ERC2: variants seen among roughly 807,000 people sequenced by gnomAD.
The protein encoded by ERC2 is ELKS/RAB6-interacting/CAST family member 2.
In ERC2, 42 loss-of-function variants were observed where a neutral mutation model predicts 114.8. That is an observed-to-expected ratio of 0.37 (90% CI 0.29 to 0.47). The LOEUF (loss-of-function observed/expected upper bound fraction) is 0.47. ERC2 is among the 20% of genes least tolerant of loss of function. ERC2 has a pLI of 0.99. For missense variants in ERC2, 939 were observed against 1,150.7 expected (o/e 0.82, Z 2.66); for synonymous variants, 454 against 425.5 (o/e 1.07, Z -0.82).
intron 17 of ERC2, among the ~76,000 whole-genome samples, chr3:55,629,903 G>A (rs1216127088): frequency 6.6e-6 from 1 of 152,216 alleles, no homozygotes; most frequent in African/African-American, 2.4e-5. Context: ...CATAGAGCGG[G>A]TGGGCTCCAA....
At chr3:56,180,401 A>G (rs192858803) in intron 3 of ERC2, among the ~76,000 whole-genome samples, 105 of 152,350 alleles carry the variant, frequency 6.9e-4, no homozygotes, top group African/African-American at 2.5e-3. Context: ...AATAACAAAA[A>G]GGTAGAAGCA....
chr3:55,915,992 T>C (rs1190892342), intron 13 of ERC2, among the ~76,000 whole-genome samples: 1 of 152,168 alleles, frequency 6.6e-6, no homozygotes, highest in Non-Finnish European at 1.5e-5. Context: ...TGCATATTCA[T>C]AGTATTTGTA....
At chr3:56,459,170 T>C (rs957589374) in intron 1 of ERC2, among the ~76,000 whole-genome samples, 1 of 152,158 alleles carries the variant, frequency 6.6e-6, no homozygotes, top group African/African-American at 2.4e-5. Flanking sequence ...TATCTTATTA[T>C]AGAGAAATAT....
chr3:56,379,494 C>A (rs1202601718), intron 2 of ERC2, among the ~76,000 whole-genome samples: 3 of 152,182 alleles, frequency 2.0e-5, no homozygotes, highest in African/African-American at 4.8e-5. Flanking sequence ...GAAGGTACAA[C>A]TGTAATCCCC....
chr3:55,839,110 G>C (rs2061020853), intron 14 of ERC2, among the ~76,000 whole-genome samples: 1 of 151,350 alleles, frequency 6.6e-6, no homozygotes, highest in Non-Finnish European at 1.5e-5. Flanking sequence ...AACTTATAAA[G>C]AAACAAAGAT....
intron 17 of ERC2, among the ~76,000 whole-genome samples, chr3:55,525,201 G>A (rs1244946631): frequency 6.6e-6 from 1 of 152,238 alleles, no homozygotes; most frequent in Non-Finnish European, 1.5e-5. Context: ...AAATTAGGAA[G>A]GTGGCTGGGA....
intron 7 of ERC2, among the ~76,000 whole-genome samples, chr3:56,044,401 G>C (rs1334733320): frequency 2.0e-5 from 3 of 151,780 alleles, no homozygotes; most frequent in Admixed American, 6.6e-5. Context: ...ATTTGGTTAT[G>C]ATCTTTTACT....
intron 6 of ERC2, among the ~76,000 whole-genome samples, chr3:56,135,285 A>G (rs1560232433): frequency 6.6e-6 from 1 of 152,104 alleles, no homozygotes; most frequent in Non-Finnish European, 1.5e-5. Flanking sequence ...AGATAGAACA[A>G]AAGAGATGGT....
chr3:55,733,413 CTCTT>C (rs1187763116), intron 15 of ERC2, among the ~76,000 whole-genome samples: 3 of 151,498 alleles, frequency 2.0e-5, no homozygotes, highest in Non-Finnish European at 4.4e-5. Flanking sequence ...CTCTCTGTCT[CTCTT>C]TCTCTCTCTC....
chr3:55,765,298 C>G (rs1377413465), intron 14 of ERC2, among the ~76,000 whole-genome samples: 1 of 152,122 alleles, frequency 6.6e-6, no homozygotes, highest in African/African-American at 2.4e-5. Context: ...ACTTTTTTCT[C>G]TCCAAGACCC....
chr3:56,109,595 A>G (rs1458403922), intron 6 of ERC2, among the ~76,000 whole-genome samples: 1 of 152,198 alleles, frequency 6.6e-6, no homozygotes, highest in Non-Finnish European at 1.5e-5. Context: ...ACATAACAGA[A>G]TATGATGCAG....
At chr3:56,129,438 TA>T (rs1421436987) in intron 6 of ERC2, among the ~76,000 whole-genome samples, 4 of 152,154 alleles carry the variant, frequency 2.6e-5, no homozygotes, top group Non-Finnish European at 5.9e-5. Context: ...TGGAAGTACT[TA>T]ATAAATTCTG....
intron 6 of ERC2, among the ~76,000 whole-genome samples, chr3:56,138,775 A>G (rs1415356553): frequency 6.6e-6 from 1 of 152,178 alleles, no homozygotes; most frequent in Non-Finnish European, 1.5e-5. Flanking sequence ...TTTGATAACT[A>G]TTTTATTTAC....
chr3:55,627,617 A>C (rs1006354638), intron 17 of ERC2, among the ~76,000 whole-genome samples: 2 of 152,226 alleles, frequency 1.3e-5, no homozygotes, highest in Non-Finnish European at 2.9e-5. Context: ...ATTAATGAGA[A>C]GATGAGTGTC....
rs1053499959 is a variant in ERC2 at position 55,652,013 on chromosome 3, C to A, written c.*39+31781G>T. On this transcript the variant is annotated intron_variant, in intron 17 of 17. Transcript: ENST00000288221. Reference sequence around the variant, plus strand: ...GAAAAGCTCTTCAGTTCTTCCCAATCCCTATCAAGACTGTGCCACCACAGC... The same window carrying A: ...GAAAAGCTCTTCAGTTCTTCCCAATACCTATCAAGACTGTGCCACCACAGC... 5.3e-5 allele frequency among the ~76,000 whole-genome samples: 8 copies of A among 152,328 alleles called. No homozygotes were observed. In the East Asian group the frequency reaches 1.5e-3, roughly 29 times the overall value.
intron 3 of ERC2, among the ~76,000 whole-genome samples, chr3:56,247,776 C>T (rs535258462): frequency 1.3e-4 from 20 of 152,300 alleles, no homozygotes; most frequent in Admixed American, 4.6e-4. Context: ...AGCTCCTGGA[C>T]CCCTGAGTTA....
intron 13 of ERC2, among the ~76,000 whole-genome samples, chr3:55,943,227 A>G (rs1237372076): frequency 1.3e-5 from 2 of 152,222 alleles, no homozygotes; most frequent in Non-Finnish European, 2.9e-5. Context: ...TGGAAAAAGT[A>G]AGAAGGTATG....
At chr3:55,821,372 A>G (rs1238266701) in intron 14 of ERC2, among the ~76,000 whole-genome samples, 2 of 152,230 alleles carry the variant, frequency 1.3e-5, no homozygotes, top group African/African-American at 4.8e-5. Flanking sequence ...CCCATCAAAC[A>G]CGTGGAAATG....
intron 17 of ERC2, among the ~76,000 whole-genome samples, chr3:55,522,635 C>G (rs2053038205): frequency 6.6e-6 from 1 of 152,296 alleles, no homozygotes; most frequent in South Asian, 2.1e-4. Context: ...AGCAGACATA[C>G]TCTCTGGTTT....
Sources: gnomAD v4.1 joint callset for allele counts (sites outside exome capture counted in the v4.1 genomes callset) on GRCh38, gnomAD v4.1.1 for gene constraint, MANE v1.5 for transcripts, NCBI Gene and HGNC (gene_info 2026-07-23, HGNC 2026-07-21) for gene names.